The following GAN variants were observed in gnomAD, a reference collection of about 807,000 sequenced individuals.
GAN encodes the protein epididymis secretory sperm binding protein.
In GAN, 48 loss-of-function variants were observed where a neutral mutation model predicts 71.3. The observed-to-expected ratio is 0.67, with a 90% CI of 0.53 to 0.86. The LOEUF is 0.86. Ranked by LOEUF, GAN falls within the 40% of genes least tolerant of loss-of-function variation. The pLI, the probability that GAN is intolerant of heterozygous loss-of-function variation, is 0.00. For synonymous variants in GAN, 386 were observed against 276.8 expected (o/e 1.39, Z -3.92); for missense variants, 928 against 770.1 (o/e 1.21, Z -2.43).
intron 2 of GAN, among the ~76,000 whole-genome samples, chr16:81,353,413 C>G (rs1222346998): frequency 6.6e-6 from 1 of 152,004 alleles, no homozygotes; most frequent in African/African-American, 2.4e-5. Context: ...GAGTCTACAG[C>G]TGCCTGCTGT....
Position 81,365,027 on chromosome 16 carries a change from C to G in GAN, c.1290C>G (p.Ser430=). 6.2e-7 allele frequency: 1 copy of G among 1,613,688 alleles called. No individual in the cohort carries two copies. Among genetic ancestry groups the G allele is most frequent in the Non-Finnish European group, 8.5e-7 (1 of 1,179,658 alleles). ...AAATCTACGCCATGGGTGGAGGCTC[C>G]TACGGAAAGCTTTTTGAGTCTGTAG... ...KKKIYAMGGG[S]YGKLFESVEC... is the part of the protein sequence containing the mutation. Residue 430 remains serine, a synonymous_variant, in exon 8 of 11, where the codon TCC becomes TCG. Transcript: ENST00000648994.
intron 1 of GAN, 63 bp downstream of exon 1, chr16:81,315,343 C>A: frequency 3.2e-6 from 4 of 1,243,728 alleles, no homozygotes; most frequent in Non-Finnish European, 4.2e-6. Flanking sequence ...GCGGGGCGGC[C>A]GGGCCGGGCG....
At chr16:81,342,790 A>G (rs1909988742) in intron 1 of GAN, among the ~76,000 whole-genome samples, 1 of 152,240 alleles carries the variant, frequency 6.6e-6, no homozygotes, top group Non-Finnish European at 1.5e-5. Context: ...TCAGAGCAGA[A>G]CTGAAGGAGA....
chr16:81,373,026 T>G (rs1911084369), intron 9 of GAN, among the ~76,000 whole-genome samples: 2 of 152,256 alleles, frequency 1.3e-5, no homozygotes, highest in Non-Finnish European at 2.9e-5. Context: ...AACATGGTGC[T>G]TAGCTTTGTT....
At chr16:81,360,225 C>G (rs999414597) in intron 5 of GAN, among the ~76,000 whole-genome samples, 14 of 152,182 alleles carry the variant, frequency 9.2e-5, no homozygotes, top group African/African-American at 3.4e-4. Flanking sequence ...TGAAGTTCAT[C>G]CTTTTGAATT....
intron 5 of GAN, among the ~76,000 whole-genome samples, chr16:81,360,439 T>C (rs1418917626): frequency 1.3e-5 from 2 of 152,214 alleles, no homozygotes; most frequent in East Asian, 3.8e-4. Context: ...AAAAATCTCT[T>C]CTCTGGTGTG....
At chr16:81,350,660 C>T (rs1440115131) in intron 1 of GAN, among the ~76,000 whole-genome samples, 62 of 151,960 alleles carry the variant, frequency 4.1e-4, no homozygotes, top group Admixed American at 4.1e-3. Flanking sequence ...GGATTGCAGG[C>T]GTATGCCACC....
intron 5 of GAN, among the ~76,000 whole-genome samples, chr16:81,361,299 C>T (rs576594191): frequency 6.6e-6 from 1 of 152,192 alleles, no homozygotes; most frequent in Non-Finnish European, 1.5e-5. Flanking sequence ...ATGTTAGAAT[C>T]TAAGGCTTAG....
Position 81,386,655 on chromosome 16 carries a change from G to C in GAN, c.*9059G>C, listed in dbSNP as rs771025766. 1.3e-5 allele frequency: 2 copies of C among 152,230 alleles called. No homozygotes were observed. The highest frequency in any genetic ancestry group is 2.9e-5 in the Non-Finnish European group (2 of 68,028). The allele number at this position is 152,230 out of a possible 1,614,324, so 9.4% of individuals were successfully genotyped here. A position where few individuals can be genotyped will look rare whatever the true frequency, so the allele number is the denominator to read the frequency against. ...ATTCTTGATCTCTGAATGTGAAAAG[G>C]AAGTAGAACAGCCGGGCGCGGTGGC... On this transcript the variant is annotated 3_prime_UTR_variant, in exon 11 of 11. Transcript: ENST00000648994.
At chr16:81,353,650 G>C (rs958608907) in intron 2 of GAN, among the ~76,000 whole-genome samples, 1 of 152,142 alleles carries the variant, frequency 6.6e-6, no homozygotes, top group Non-Finnish European at 1.5e-5. Flanking sequence ...CCCATGCTTT[G>C]GGGTCGTCCA....
intron 5 of GAN, among the ~76,000 whole-genome samples, chr16:81,362,077 C>T (rs1478730942): frequency 6.6e-6 from 1 of 152,152 alleles, no homozygotes; most frequent in Non-Finnish European, 1.5e-5. Flanking sequence ...CTCTTAGATC[C>T]TGTTTTGAAT....
intron 6 of GAN, among the ~76,000 whole-genome samples, chr16:81,362,967 C>T (rs1910728426): frequency 6.6e-6 from 1 of 152,214 alleles, no homozygotes; most frequent in South Asian, 2.1e-4. Flanking sequence ...CACCATCTCA[C>T]GGACCAGGCA....
Position 81,356,854 on chromosome 16 carries a change from A to G in GAN, c.703A>G (p.Met235Val), listed in dbSNP as rs753290767. The change falls in exon 4 of 11, where the codon ATG becomes GTG. Residue 235 changes from methionine (M) to valine (V), a missense_variant. Met to Val is a conservative substitution (Grantham distance 21). Transcript: ENST00000648994. ...GGACTCCAGTTATTTACGGGAACAG[A>G]TGCTGAATGAACCATTAGTACGAGA... ...GLDSSYLREQMLNEPLVREIV... is the reference protein window; with the variant it reads ...GLDSSYLREQVLNEPLVREIV... The G allele has an allele frequency of 2.5e-6, 4 of 1,613,836 alleles. No homozygotes were observed. The highest frequency in any genetic ancestry group is 3.4e-6 in the Non-Finnish European group (4 of 1,179,704).
chr16:81,363,528 G>A (rs1466207643), intron 6 of GAN, among the ~76,000 whole-genome samples: 8 of 152,140 alleles, frequency 5.3e-5, no homozygotes. Context: ...TTTAGACTCG[G>A]GGATACATGT....
intron 9 of GAN, among the ~76,000 whole-genome samples, chr16:81,376,149 C>G (rs1052926235): frequency 1.3e-5 from 2 of 150,826 alleles, no homozygotes; most frequent in Non-Finnish European, 2.9e-5. Flanking sequence ...AATTGGAGTG[C>G]AAAATTATGG....
At position 81,384,235 on chromosome 16, in the gene GAN, G is replaced by A. The variant is rs1309563397; in HGVS notation, c.*6639G>A. ...ACATTCTGTTCTTTAACAAAAGCTT[G>A]GAAGCAGGCAGTCAGAGGCCTTGAG... On this transcript the variant is annotated 3_prime_UTR_variant, in exon 11 of 11. Transcript: ENST00000648994. 6.6e-6 allele frequency: 1 copy of A among 151,318 alleles called. No homozygotes were observed. Among genetic ancestry groups the A allele is most frequent in the African/African-American group, 2.4e-5 (1 of 41,104 alleles). The allele number at this position is 151,318 out of a possible 1,614,324, so 9.4% of individuals were successfully genotyped here.
intron 2 of GAN, among the ~76,000 whole-genome samples, chr16:81,353,270 C>T (rs1201968922): frequency 1.5e-5 from 2 of 130,792 alleles, no homozygotes; most frequent in African/African-American, 3.3e-5. Flanking sequence ...CCAGCGTGGG[C>T]GACAGAGCGA....
intron 1 of GAN, among the ~76,000 whole-genome samples, chr16:81,333,518 G>A (rs563980443): frequency 6.6e-6 from 1 of 152,138 alleles, no homozygotes; most frequent in South Asian, 2.1e-4. Context: ...TGCATAGCCT[G>A]GGGGGAAAAG....
At chr16:81,315,808 CCAGA>C (rs1203714077) in intron 1 of GAN, among the ~76,000 whole-genome samples, 2 of 152,258 alleles carry the variant, frequency 1.3e-5, no homozygotes, top group Non-Finnish European at 2.9e-5. Context: ...CGCTGGGAGG[CCAGA>C]CAGACAGCGC....
Sources: allele counts gnomAD v4.1 joint callset (sites outside exome capture counted in the v4.1 genomes callset), GRCh38; gene constraint gnomAD v4.1.1; transcripts MANE v1.5; gene names NCBI Gene and HGNC (gene_info 2026-07-23, HGNC 2026-07-21).